Variants in RANBP3 observed in about 807,000 individuals in gnomAD.
The protein encoded by RANBP3 is ran-binding protein 3.
RANBP3 carries 14 observed loss-of-function variants against 77.3 expected under a neutral mutation model. The ratio of observed to expected loss-of-function variants is 0.18; its 90% CI spans 0.12 to 0.28. RANBP3 has a LOEUF of 0.28. Among genes scored for constraint, RANBP3 ranks in the 10% least tolerant of loss-of-function variants. The pLI is 1.00. For synonymous variants in RANBP3, 315 were observed against 312.4 expected (o/e 1.01, Z -0.09); for missense variants, 586 against 752.3 (o/e 0.78, Z 2.59).
chr19:5,969,517 C>G (rs1363866043), intron 1 of RANBP3, among the ~76,000 whole-genome samples: 1 of 152,266 alleles, frequency 6.6e-6, no homozygotes, highest in African/African-American at 2.4e-5. Flanking sequence ...ACTACTGTCT[C>G]TAGAATTTCC....
intron 9 of RANBP3, among the ~76,000 whole-genome samples, chr19:5,927,604 G>A (rs549628526): frequency 7.9e-5 from 12 of 152,320 alleles, no homozygotes; most frequent in Admixed American, 1.3e-4. Context: ...TGAAATACGG[G>A]AACAGAAACC....
At chr19:5,955,196 A>T (rs962566723) in intron 2 of RANBP3, among the ~76,000 whole-genome samples, 1 of 152,104 alleles carries the variant, frequency 6.6e-6, no homozygotes, top group Non-Finnish European at 1.5e-5. Flanking sequence ...CAGTGGTGCG[A>T]TCTCAGCTCA....
chr19:5,968,017 CA>C (rs1033166407), intron 1 of RANBP3, among the ~76,000 whole-genome samples: 3 of 146,654 alleles, frequency 2.0e-5, no homozygotes, highest in South Asian at 4.3e-4. Flanking sequence ...ACTCTGTCTC[CA>C]AAAAAAAAGA....
chr19:5,925,857 G>A (rs1305363374), intron 9 of RANBP3, 120 bp from the exon 10 acceptor site: 3 of 735,272 alleles, frequency 4.1e-6, no homozygotes, highest in East Asian at 2.7e-5. Flanking sequence ...ACCCTCTCCT[G>A]TACCCGCCTG....
At chr19:5,967,291 T>C (rs1347722174) in intron 1 of RANBP3, among the ~76,000 whole-genome samples, 2 of 152,232 alleles carry the variant, frequency 1.3e-5, no homozygotes, top group African/African-American at 2.4e-5. Context: ...ACACACTTTT[T>C]GGAGCTGATG....
At position 5,916,516 on chromosome 19, in the gene RANBP3, T is replaced by G. The variant is rs1599708923; in HGVS notation, c.*1094A>C. ...CTCTTGGCCATGCTCCAGGCTCGGG[T>G]GGGCACAGGCGTCCACTCCAGTGTG... On this transcript the variant is annotated 3_prime_UTR_variant, in exon 17 of 17. Transcript: ENST00000340578. The G allele has an allele frequency of 6.6e-6, 1 of 152,154 alleles. No homozygotes were observed. Among genetic ancestry groups the G allele is most frequent in the Non-Finnish European group, 1.5e-5 (1 of 68,086 alleles). The allele number at this position is 152,154 out of a possible 1,614,324, so 9.4% of individuals were successfully genotyped here. A position where few individuals can be genotyped will look rare whatever the true frequency, so the allele number is the denominator to read the frequency against.
rs540107862 is a variant in RANBP3, at chr19:5,976,152, G to T, written c.22+1909C>A. On this transcript the variant is annotated intron_variant, in intron 1 of 16. Coordinates refer to ENST00000340578, the MANE Select transcript of RANBP3 (RefSeq NM_007322.3). ...GTGACTTCAAGGTTTGGGGCCAGAAGAATTCAAAGAATGGACCTGCCTAAC... is the reference window on the plus strand; with the variant it reads ...GTGACTTCAAGGTTTGGGGCCAGAATAATTCAAAGAATGGACCTGCCTAAC... Among the ~76,000 whole-genome samples the T allele has an allele frequency of 3.9e-5, 6 of 152,292 alleles. No individual in the cohort carries two copies. In the East Asian group the frequency reaches 1.2e-3, roughly 29 times the overall value.
intron 3 of RANBP3, among the ~76,000 whole-genome samples, chr19:5,943,030 A>T (rs1430206109): frequency 2.0e-5 from 3 of 152,054 alleles, no homozygotes; most frequent in African/African-American, 7.2e-5. Flanking sequence ...CAAAACACAA[A>T]CAAACTCAAA....
chr19:5,951,394 C>T lies in RANBP3; in HGVS notation c.281G>A (p.Gly94Glu), dbSNP rs1180805484. 1.9e-6 allele frequency: 3 copies of T among 1,553,638 alleles called. No homozygotes were observed. The highest frequency in any genetic ancestry group is 2.6e-6 in the Non-Finnish European group (3 of 1,148,236). ...QLPPFPRELAGRSAGGSSPEG... is the reference protein window; with the variant it reads ...QLPPFPRELAERSAGGSSPEG... Reference sequence around the variant, plus strand: ...AGTGCCGGGTAGGTGTGGACTTACCCCTGCCAGTTCTCGCGGAAAAGGAGG... The same window carrying T: ...AGTGCCGGGTAGGTGTGGACTTACCTCTGCCAGTTCTCGCGGAAAAGGAGG... Residue 94 changes from glycine (G) to glutamate (E), a missense_variant and splice_region_variant, in exon 3 of 17, where the codon GGG becomes GAG. Gly to Glu is a moderately conservative substitution (Grantham distance 98, BLOSUM62 -2). This residue lies in a region of RANBP3 where 172 missense variants were observed against 183.4 expected (regional missense o/e 0.94). Coordinates refer to ENST00000340578, the MANE Select transcript of RANBP3 (RefSeq NM_007322.3).
chr19:5,940,922 G>T (rs569276072), intron 5 of RANBP3, among the ~76,000 whole-genome samples: 1 of 152,198 alleles, frequency 6.6e-6, no homozygotes, highest in African/African-American at 2.4e-5. Context: ...TAGTGCTGAC[G>T]GCATTATCTG....
chr19:5,925,751 G>A lies in RANBP3; in HGVS notation c.814-14C>T, dbSNP rs371831715. The A allele has an allele frequency of 9.9e-6, 16 of 1,609,850 alleles. No homozygotes were observed. The highest frequency in any genetic ancestry group is 5.5e-5 in the South Asian group (5 of 90,974). On this transcript the variant is annotated splice_polypyrimidine_tract_variant and intron_variant, in intron 9 of 16. Transcript: ENST00000340578. Reference sequence around the variant, plus strand: ...CTCATTTATCAGCTGGGAATGAGACGGAGCGCTCAGTAATCGGGGGTGGGG... The same window carrying A: ...CTCATTTATCAGCTGGGAATGAGACAGAGCGCTCAGTAATCGGGGGTGGGG...
rs1310053498 is a variant in RANBP3, at chr19:5,921,352, A to AC, written c.1210-32dup. 1 of 1,610,238 alleles carries AC rather than the reference A, an allele frequency of 6.2e-7. No homozygotes were observed. The highest frequency in any genetic ancestry group is 8.5e-7 in the Non-Finnish European group (1 of 1,178,254). On this transcript the variant is annotated intron_variant, in intron 13 of 16. Coordinates refer to ENST00000340578, the MANE Select transcript of RANBP3 (RefSeq NM_007322.3). The surrounding 1 kb of genome is among the most constrained non-coding windows in gnomAD (Gnocchi z 5.3). ...ACACAGTGGCCGCCGGTAAGCAGGG[A>AC]CCCCAGCTGGTGTCCTGCTGCAGCC...
chr19:5,954,511 G>A (rs910985429), intron 2 of RANBP3, among the ~76,000 whole-genome samples: 2 of 152,186 alleles, frequency 1.3e-5, no homozygotes, highest in Non-Finnish European at 2.9e-5. Flanking sequence ...CTTCCGGTAT[G>A]AGAGGTGAGG....
chr19:5,938,105 C>T (rs913407867), intron 5 of RANBP3, among the ~76,000 whole-genome samples: 4 of 152,142 alleles, frequency 2.6e-5, no homozygotes, highest in Admixed American at 2.0e-4. Context: ...CTTGTTGAAA[C>T]GGGGCCATCA....
At chr19:5,918,027 C>T (rs556751462) in intron 15 of RANBP3, 47 bp from the exon 16 acceptor site, 15 of 1,522,522 alleles carry the variant, frequency 9.9e-6, no homozygotes, top group East Asian at 2.3e-5. Context: ...AGTCCTACCC[C>T]CTCCTGCCTT....
chr19:5,977,026 C>T (rs1260260122), intron 1 of RANBP3, among the ~76,000 whole-genome samples: 1 of 152,204 alleles, frequency 6.6e-6, no homozygotes, highest in Non-Finnish European at 1.5e-5. Flanking sequence ...AACAGTATGT[C>T]AAGACTTTGC....
chr19:5,925,522 C>T (rs1599726101), intron 10 of RANBP3, 112 bp downstream of exon 10: 1 of 926,588 alleles, frequency 1.1e-6, no homozygotes, highest in Non-Finnish European at 1.7e-6. Context: ...TGAGAGCAAC[C>T]TGGATTCTGG....
chr19:5,950,072 G>A (rs2058256100), intron 3 of RANBP3, among the ~76,000 whole-genome samples: 1 of 152,146 alleles, frequency 6.6e-6, no homozygotes, highest in Admixed American at 6.5e-5. Flanking sequence ...ACCATTTCCT[G>A]TGCTCTCAAA....
At chr19:5,923,073 T>C (rs1032583597) in intron 13 of RANBP3, 121 bp downstream of exon 13, 16 of 756,722 alleles carry the variant, frequency 2.1e-5, no homozygotes, top group Middle Eastern at 3.7e-4. Context: ...GTGGGGCCAG[T>C]GGCCCCTCCG....
Sources: gnomAD v4.1 joint callset for allele counts (sites outside exome capture counted in the v4.1 genomes callset) on GRCh38, gnomAD v4.1.1 for gene constraint, gnomAD v4.1.1 regional missense constraint, Gnocchi (gnomAD v3.1) non-coding constraint, MANE v1.5 for transcripts, NCBI Gene and HGNC (gene_info 2026-07-23, HGNC 2026-07-21) for gene names.